PPP1R14B: variants seen among roughly 807,000 people sequenced by gnomAD.
PPP1R14B encodes the protein protein phosphatase 1 regulatory subunit 14B.
PPP1R14B carries 4 observed loss-of-function variants against 14.7 expected under a neutral mutation model. The observed-to-expected ratio is 0.27, with a 90% confidence interval of 0.13 to 0.62. The LOEUF is 0.62. PPP1R14B is among the 20% of genes least tolerant of loss of function. The pLI, the probability that PPP1R14B is intolerant of heterozygous loss-of-function variation, is 0.85. For missense variants in PPP1R14B, 138 were observed against 201.5 expected (o/e 0.68, Z 1.91); for synonymous variants, 76 against 87.3 (o/e 0.87, Z 0.72).
chr11:64,244,972 G>A lies in PPP1R14B; in HGVS notation c.343-10C>T, dbSNP rs1000981937. 9 of 1,609,636 alleles carry A rather than the reference G, an allele frequency of 5.6e-6. No individual in the cohort carries two copies. Among genetic ancestry groups the A allele is most frequent in the African/African-American group, 4.0e-5 (3 of 74,814 alleles). The stretch of plus-strand genomic sequence containing the variant: ...AGTCAACCAGCAGCTCCTAGCAGAG[G>A]ATGGGGGAGGAAGGATAAGTGAGTC... On this transcript the variant is annotated splice_polypyrimidine_tract_variant and intron_variant, in intron 2 of 3. Transcript: ENST00000309318.
chr11:64,244,521 G>A lies in PPP1R14B; in HGVS notation c.*233C>T, dbSNP rs976607961. Reference sequence around the variant, plus strand: ...GTATCCTAGCTTTATTAAAGGGCCCGCGCCGCAGAGTCAATATAAAAACAC... The same window carrying A: ...GTATCCTAGCTTTATTAAAGGGCCCACGCCGCAGAGTCAATATAAAAACAC... On this transcript the variant is annotated 3_prime_UTR_variant, in exon 4 of 4. Transcript: ENST00000309318. The A allele has an allele frequency of 1.0e-5, 13 of 1,251,382 alleles. No individual in the cohort carries two copies. Among genetic ancestry groups the A allele is most frequent in the East Asian group, 2.6e-5 (1 of 37,994 alleles). 77.5% of individuals were successfully genotyped at this position (1,251,382 alleles called of 1,614,324 possible). A position where few individuals can be genotyped will look rare whatever the true frequency, so the allele number is the denominator to read the frequency against.
intron 3 of PPP1R14B, 22 bp downstream of exon 3, chr11:64,244,908 A>G: frequency 6.6e-7 from 1 of 1,513,892 alleles, no homozygotes; most frequent in Non-Finnish European, 9.0e-7. Context: ...CACCCCCGCC[A>G]GCCCCCCAGG....
Position 64,244,940 on chromosome 11 carries a change from T to C in PPP1R14B, c.365A>G (p.Lys122Arg). The part of the protein sequence containing the change: ...RVKELLVDCY[K>R]PTEAFISGLL... ...CAGGAAATCTCTTACCTCTGTGGGT[T>C]TGTAACAGTCAACCAGCAGCTCCTA... The change falls in exon 3 of 4, where the codon AAA becomes AGA. Residue 122 changes from lysine (K) to arginine (R), a missense_variant. This residue lies in a region of PPP1R14B where 84 missense variants were observed against 137.5 expected (regional missense o/e 0.61). Coordinates refer to ENST00000309318, the MANE Select transcript of PPP1R14B (RefSeq NM_138689.3). 5 of 1,612,090 alleles carry C rather than the reference T, an allele frequency of 3.1e-6. No individual in the cohort carries two copies. The highest frequency in any genetic ancestry group is 4.2e-6 in the Non-Finnish European group (5 of 1,178,794).
chr11:64,245,448 C>T (rs2030839617), intron 1 of PPP1R14B, 161 bp from the exon 2 acceptor site: 2 of 533,952 alleles, frequency 3.7e-6, no homozygotes, highest in Admixed American at 3.6e-5. Flanking sequence ...AGATCAGGCC[C>T]GTGCCAAGGC....
chr11:64,246,288 G>C, intron 1 of PPP1R14B, 128 bp downstream of exon 1: 1 of 1,297,540 alleles, frequency 7.7e-7, no homozygotes, highest in Non-Finnish European at 1.1e-6. Context: ...CGGGAGTGCA[G>C]AGGGGAGGGG....
intron 1 of PPP1R14B, 126 bp downstream of exon 1, chr11:64,246,290 G>A (rs868627139): frequency 7.6e-7 from 1 of 1,323,774 alleles, no homozygotes; most frequent in Non-Finnish European, 1.0e-6. Flanking sequence ...GGAGTGCAGA[G>A]GGGAGGGGAG....
chr11:64,245,022 G>A (rs1206774193), intron 2 of PPP1R14B, 60 bp from the exon 3 acceptor site: 13 of 1,528,220 alleles, frequency 8.5e-6, no homozygotes, highest in African/African-American at 8.3e-5. Context: ...CCTGGAGCTC[G>A]CCTATACCCA....
At position 64,246,282 on chromosome 11, in the gene PPP1R14B, A is replaced by C. The variant is rs1249870887; in HGVS notation, c.258+134T>G. On this transcript the variant is annotated intron_variant, in intron 1 of 3. Coordinates refer to ENST00000309318, the MANE Select transcript of PPP1R14B (RefSeq NM_138689.3). ...AGAAAGAGTATATATTGGGGGCGGG[A>C]GTGCAGAGGGGAGGGGAGCGCGCGG... The C allele has an allele frequency of 3.4e-6, 4 of 1,181,706 alleles. No individual in the cohort carries two copies. The Admixed American group carries it at 9.4e-5, about 28-fold the overall frequency. The allele number at this position is 1,181,706 out of a possible 1,614,324, so 73.2% of individuals were successfully genotyped here.
intron 1 of PPP1R14B, 95 bp downstream of exon 1, chr11:64,246,321 C>T (rs2030876836): frequency 2.0e-6 from 3 of 1,502,086 alleles, no homozygotes; most frequent in East Asian, 2.5e-5. Flanking sequence ...AGCAAAGCGC[C>T]CTTTGACTCC....
rs552270070 is a variant in PPP1R14B, at chr11:64,244,721, G to A, written c.*33C>T. The A allele has an allele frequency of 2.1e-4, 342 of 1,609,884 alleles. 4 individuals are homozygous for A. In the South Asian group the frequency reaches 3.7e-3, roughly 17 times the overall value. On this transcript the variant is annotated 3_prime_UTR_variant, in exon 4 of 4. Coordinates refer to ENST00000309318, the MANE Select transcript of PPP1R14B (RefSeq NM_138689.3). The stretch of plus-strand genomic sequence containing the variant: ...GAGGTTGGGGGGCAGCGATTGTCCT[G>A]TGGGAGCCACCGTTCTCCTGGGTCG...
At chr11:64,246,325 T>C in intron 1 of PPP1R14B, 91 bp downstream of exon 1, 1 of 1,510,700 alleles carries the variant, frequency 6.6e-7, no homozygotes. Context: ...AAGCGCCCTT[T>C]GACTCCAGTG....
At chr11:64,245,476 G>C in intron 1 of PPP1R14B, 189 bp from the exon 2 acceptor site, 1 of 327,968 alleles carries the variant, frequency 3.0e-6, no homozygotes. Flanking sequence ...CCAAAGCGGG[G>C]TGGGGGGGGG....
At position 64,245,190 on chromosome 11, in the gene PPP1R14B, C is replaced by A; in HGVS notation, c.342+14G>T. 1.2e-6 allele frequency: 2 copies of A among 1,612,240 alleles called. No individual in the cohort carries two copies. Among genetic ancestry groups the A allele is most frequent in the Non-Finnish European group, 1.7e-6 (2 of 1,178,914 alleles). On this transcript the variant is annotated intron_variant, in intron 2 of 3. Transcript: ENST00000309318. ...CAGTGCCTCAGGCAACCCATCGCCC[C>A]CCAGCCCCCTCACCTTGACCCTGGC...
rs1401714069 is a variant in PPP1R14B, at chr11:64,244,942, G to A, written c.363C>T (p.Tyr121=). ...GGAAATCTCTTACCTCTGTGGGTTT[G>A]TAACAGTCAACCAGCAGCTCCTAGC... ...ARVKELLVDC[Y]KPTEAFISGL... The change falls in exon 3 of 4, where the codon TAC becomes TAT. Residue 121 remains tyrosine, a synonymous_variant. Transcript: ENST00000309318. 5 of 1,612,024 alleles carry A rather than the reference G, an allele frequency of 3.1e-6. No individual in the cohort carries two copies. The highest frequency in any genetic ancestry group is 1.7e-5 in the Admixed American group (1 of 59,888).
rs2030898001 is a variant in PPP1R14B, at chr11:64,246,808, C to G, written c.-135G>C. The stretch of plus-strand genomic sequence containing the variant: ...CGCGGCGAGGGCGGCGGCGGGGGCG[C>G]CCGGGGGCAGCTGCAGCATGCGGAG... On this transcript the variant is annotated 5_prime_UTR_variant, in exon 1 of 4. Coordinates refer to ENST00000309318, the MANE Select transcript of PPP1R14B (RefSeq NM_138689.3). 5 of 735,278 alleles carry G rather than the reference C, an allele frequency of 6.8e-6. No homozygotes were observed. Among genetic ancestry groups the G allele is most frequent in the Non-Finnish European group, 8.3e-6 (5 of 603,914 alleles). 45.5% of individuals were successfully genotyped at this position (735,278 alleles called of 1,614,324 possible). A position where few individuals can be genotyped will look rare whatever the true frequency, so the allele number is the denominator to read the frequency against.
intron 1 of PPP1R14B, 102 bp downstream of exon 1, chr11:64,246,314 A>C (rs1257360247): frequency 6.7e-7 from 1 of 1,482,312 alleles, no homozygotes; most frequent in Non-Finnish European, 9.1e-7. Flanking sequence ...GCGGGGAAGC[A>C]AAGCGCCCTT....
intron 1 of PPP1R14B, chr11:64,246,162 G>A (rs1417808699): frequency 4.4e-5 from 23 of 521,070 alleles, no homozygotes; most frequent in Non-Finnish European, 6.8e-5. Context: ...TACCCCTTGA[G>A]GCGTCTGGAG....
rs1048873931 is a variant in PPP1R14B at position 64,244,627 on chromosome 11, A to G, written c.*127T>C. On this transcript the variant is annotated 3_prime_UTR_variant, in exon 4 of 4. Transcript: ENST00000309318. ...GGGCAGGGGAAGAGACCCCTGGGCC[A>G]GGGGCACGAGGAGCCCTGCTCATGG... is the stretch of plus-strand genomic sequence containing the variant. 9 of 1,475,946 alleles carry G rather than the reference A, an allele frequency of 6.1e-6. No homozygotes were observed. The highest frequency in any genetic ancestry group is 1.4e-5 in the African/African-American group (1 of 71,494). 91.4% of individuals were successfully genotyped at this position (1,475,946 alleles called of 1,614,324 possible).
At chr11:64,245,460 A>C in intron 1 of PPP1R14B, 173 bp from the exon 2 acceptor site, 1 of 440,932 alleles carries the variant, frequency 2.3e-6, no homozygotes, top group East Asian at 3.8e-5. Flanking sequence ...TGCCAAGGCA[A>C]ACTGCCCAAA....
Sources: gnomAD v4.1 joint callset for allele counts on GRCh38, gnomAD v4.1.1 for gene constraint, gnomAD v4.1.1 regional missense constraint, MANE v1.5 for transcripts, NCBI Gene and HGNC (gene_info 2026-07-23, HGNC 2026-07-21) for gene names.